Variants in RBFOX1 observed in about 807,000 individuals in gnomAD.
The protein encoded by RBFOX1 is RNA binding fox-1 homolog 1.
Under a neutral mutation model 57.7 loss-of-function variants are expected in RBFOX1, and 8 were observed. That is an observed-to-expected ratio of 0.14 (90% CI 0.08 to 0.25). The LOEUF (loss-of-function observed/expected upper bound fraction) is 0.25, where lower values mean the gene tolerates loss of function less well. Among genes scored for constraint, RBFOX1 ranks in the 10% least tolerant of loss-of-function variants. The pLI is 1.00. For synonymous variants in RBFOX1, 326 were observed against 222.4 expected, an observed-to-expected ratio of 1.47 and a Z score of -4.15; for missense variants, 611 against 548.5, an observed-to-expected ratio of 1.11 and a Z score of -1.14.
At chr16:6,639,188 C>G (rs1205244124) in intron 2 of RBFOX1, among the ~76,000 whole-genome samples, 1 of 152,224 alleles carries the variant, frequency 6.6e-6, no homozygotes, top group Non-Finnish European at 1.5e-5. Context: ...TGTTGACCTT[C>G]AGCTGTGCTG....
intron 2 of RBFOX1, among the ~76,000 whole-genome samples, chr16:6,445,793 G>A (rs558005332): frequency 6.6e-6 from 1 of 152,158 alleles, no homozygotes; most frequent in South Asian, 2.1e-4. Context: ...ATTTTGGCCA[G>A]GATGGTCTCG....
chr16:7,090,861 G>A (rs766109327), intron 4 of RBFOX1, among the ~76,000 whole-genome samples: 16 of 152,134 alleles, frequency 1.1e-4, no homozygotes, highest in Non-Finnish European at 2.2e-4. Context: ...GCCGTAGAAT[G>A]AAGTAAAACC....
chr16:7,484,534 C>A (rs541037067), intron 4 of RBFOX1, among the ~76,000 whole-genome samples: 10 of 152,340 alleles, frequency 6.6e-5, no homozygotes, highest in Admixed American at 5.2e-4. Context: ...ACGATCTCAG[C>A]TCACTGCAAC....
intron 3 of RBFOX1, among the ~76,000 whole-genome samples, chr16:6,957,489 T>C (rs558528591): frequency 2.6e-4 from 39 of 152,294 alleles, no homozygotes; most frequent in African/African-American, 8.7e-4. Flanking sequence ...CTTCCTGACG[T>C]TGCCATGGCA....
chr16:7,013,334 G>A lies in RBFOX1; in HGVS notation c.-15-38723G>A, dbSNP rs570450417. Among the ~76,000 whole-genome samples, 45 of 152,250 alleles carry A rather than the reference G, an allele frequency of 3.0e-4. No homozygotes were observed. The South Asian group carries it at 4.8e-3, about 16-fold the overall frequency. On this transcript the variant is annotated intron_variant, in intron 3 of 15. Transcript: ENST00000550418. ...ACTCAGTGTTCTGCTCATGTTATACGTGCAATAAACATAAACCAGTCCCTC... is the reference window on the plus strand; with the variant it reads ...ACTCAGTGTTCTGCTCATGTTATACATGCAATAAACATAAACCAGTCCCTC...
intron 3 of RBFOX1, among the ~76,000 whole-genome samples, chr16:7,008,008 G>C (rs2093401365): frequency 6.6e-6 from 1 of 152,128 alleles, no homozygotes; most frequent in South Asian, 2.1e-4. Context: ...GTATAATGTT[G>C]GGCATTGTGT....
chr16:7,004,906 T>G (rs934243477), intron 3 of RBFOX1, among the ~76,000 whole-genome samples: 19 of 152,190 alleles, frequency 1.2e-4, no homozygotes, highest in African/African-American at 4.6e-4. Flanking sequence ...TTCCAGGACT[T>G]TGTAAGGTGG....
chr16:5,715,300 G>C (rs1038045697), intron 3 of RBFOX1, among the ~76,000 whole-genome samples: 2 of 152,130 alleles, frequency 1.3e-5, no homozygotes, highest in African/African-American at 4.8e-5. Flanking sequence ...ACTGTAAATT[G>C]TGGGTGTCCA....
chr16:5,869,878 A>G (rs2057426662), intron 4 of RBFOX1, among the ~76,000 whole-genome samples: 1 of 152,174 alleles, frequency 6.6e-6, no homozygotes, highest in Non-Finnish European at 1.5e-5. Flanking sequence ...AAGAATTCCC[A>G]TAAAGGATTT....
intron 1 of RBFOX1, among the ~76,000 whole-genome samples, chr16:6,144,351 A>T (rs1192360397): frequency 1.3e-5 from 2 of 151,670 alleles, no homozygotes; most frequent in Non-Finnish European, 2.9e-5. Flanking sequence ...CCTCTTGGAG[A>T]TCTCTTTTAA....
intron 1 of RBFOX1, chr16:5,261,106 C>G (rs182095618): frequency 2.0e-5 from 3 of 152,186 alleles, no homozygotes; most frequent in Admixed American, 2.0e-4. Context: ...ATATTTAAAA[C>G]CACGTTTCAA....
chr16:7,239,065 C>G (rs758227451), intron 4 of RBFOX1, among the ~76,000 whole-genome samples: 2 of 152,184 alleles, frequency 1.3e-5, no homozygotes, highest in Non-Finnish European at 2.9e-5. Context: ...AGGTTGATTC[C>G]ACATCCTTGC....
intron 4 of RBFOX1, among the ~76,000 whole-genome samples, chr16:5,901,430 A>C (rs540868019): frequency 6.6e-6 from 1 of 152,294 alleles, no homozygotes; most frequent in Non-Finnish European, 1.5e-5. Flanking sequence ...CTCCTAGCTT[A>C]AGCTCAAGGT....
At chr16:7,240,279 T>C (rs2093990565) in intron 4 of RBFOX1, among the ~76,000 whole-genome samples, 1 of 152,070 alleles carries the variant, frequency 6.6e-6, no homozygotes, top group Non-Finnish European at 1.5e-5. Flanking sequence ...ATCTATAAGA[T>C]TTAAGGATAA....
intron 2 of RBFOX1, among the ~76,000 whole-genome samples, chr16:6,646,026 G>T (rs1188421335): frequency 6.6e-6 from 1 of 152,070 alleles, no homozygotes; most frequent in Non-Finnish European, 1.5e-5. Flanking sequence ...GCTACAAAAA[G>T]TAGAAGGGCT....
intron 1 of RBFOX1, among the ~76,000 whole-genome samples, chr16:5,396,152 C>G (rs771348407): frequency 1.3e-5 from 2 of 152,318 alleles, no homozygotes; most frequent in Non-Finnish European, 2.9e-5. Flanking sequence ...GTAACTAACT[C>G]AATGGGCATA....
chr16:5,696,781 T>C (rs192763383), intron 3 of RBFOX1, among the ~76,000 whole-genome samples: 48 of 152,354 alleles, frequency 3.2e-4, no homozygotes, highest in Admixed American at 6.5e-4. Flanking sequence ...GAAGACTTTC[T>C]TCATGTCTGT....
intron 2 of RBFOX1, among the ~76,000 whole-genome samples, chr16:5,482,439 A>G (rs1046197587): frequency 6.6e-6 from 1 of 152,096 alleles, no homozygotes; most frequent in African/African-American, 2.4e-5. Context: ...CGAGGTGCAA[A>G]TTTTCATGGG....
chr16:7,204,135 C>G (rs534558148), intron 4 of RBFOX1, among the ~76,000 whole-genome samples: 1 of 152,242 alleles, frequency 6.6e-6, no homozygotes, highest in African/African-American at 2.4e-5. Flanking sequence ...CACAGGGTAT[C>G]TGCAGATACC....
Sources: gnomAD v4.1 joint callset for allele counts (sites outside exome capture counted in the v4.1 genomes callset) on GRCh38, gnomAD v4.1.1 for gene constraint, MANE v1.5 for transcripts, NCBI Gene and HGNC (gene_info 2026-07-23, HGNC 2026-07-21) for gene names.